Variants in PRKCB observed in about 807,000 individuals in gnomAD.
The protein encoded by PRKCB is protein kinase C beta.
In PRKCB, 13 loss-of-function variants were observed where a neutral mutation model predicts 81.5. The ratio of observed to expected loss-of-function variants is 0.16; its 90% CI spans 0.10 to 0.25. PRKCB has a LOEUF of 0.25. Ranked by LOEUF, PRKCB falls within the 10% of genes least tolerant of loss-of-function variation. The pLI is 1.00. For synonymous variants in PRKCB, 335 were observed against 321.4 expected (o/e 1.04, Z -0.45); for missense variants, 509 against 875.7 (o/e 0.58, Z 5.29).
At chr16:24,134,617 C>T (rs369675566) in intron 9 of PRKCB, among the ~76,000 whole-genome samples, 3 of 152,066 alleles carry the variant, frequency 2.0e-5, no homozygotes, top group South Asian at 4.1e-4. Flanking sequence ...GGCGTGGTGG[C>T]GCATGCCTGT....
chr16:23,837,361 T>A lies in PRKCB; in HGVS notation c.174-14T>A. On this transcript the variant is annotated splice_polypyrimidine_tract_variant and intron_variant, in intron 1 of 16. Coordinates refer to ENST00000643927, the MANE Select transcript of PRKCB (RefSeq NM_002738.7). ...CCCGGGCTGCCTGACATACACCTCC[T>A]TCTGCTTTTGCAGGGGCTTCGGGAA... 1 of 1,613,662 alleles carries A rather than the reference T, an allele frequency of 6.2e-7. No individual in the cohort carries two copies. The highest frequency in any genetic ancestry group is 8.5e-7 in the Non-Finnish European group (1 of 1,179,872).
chr16:23,869,812 A>T (rs544601078), intron 2 of PRKCB, among the ~76,000 whole-genome samples: 2 of 152,196 alleles, frequency 1.3e-5, no homozygotes, highest in Middle Eastern at 3.2e-3. Context: ...ACCTGGGGTC[A>T]GGAGTTTGAG....
intron 5 of PRKCB, among the ~76,000 whole-genome samples, chr16:24,043,564 A>G (rs1965727847): frequency 6.6e-6 from 1 of 152,076 alleles, no homozygotes; most frequent in East Asian, 1.9e-4. Context: ...TCCTTCCTTC[A>G]AAGCCTATCA....
chr16:24,162,869 AAG>A (rs1344733648), intron 10 of PRKCB, among the ~76,000 whole-genome samples: 1 of 152,186 alleles, frequency 6.6e-6, no homozygotes, highest in Non-Finnish European at 1.5e-5. Context: ...TAACCAAAAA[AAG>A]AGGATTTTAT....
chr16:24,108,990 C>T (rs1189478485), intron 7 of PRKCB, among the ~76,000 whole-genome samples: 2 of 144,250 alleles, frequency 1.4e-5, no homozygotes, highest in African/African-American at 5.4e-5. Context: ...GACTGACCCC[C>T]CCACCTCCCT....
rs189025561 is a variant in PRKCB, at chr16:24,182,059, G to A, written c.1533+1131G>A. On this transcript the variant is annotated intron_variant, in intron 13 of 16. Coordinates refer to ENST00000643927, the MANE Select transcript of PRKCB (RefSeq NM_002738.7). ...CTTTAAAAATAATAAGGCTTTACTCGGACCCAGTGAAGTTTTCCCTATGTG... is the reference window on the plus strand; with the variant it reads ...CTTTAAAAATAATAAGGCTTTACTCAGACCCAGTGAAGTTTTCCCTATGTG... Among the ~76,000 whole-genome samples the A allele has an allele frequency of 1.2e-4, 18 of 152,116 alleles. No individual in the cohort carries two copies. In the South Asian group the frequency reaches 3.1e-3, roughly 26 times the overall value.
chr16:23,851,892 T>C (rs1271158679), intron 2 of PRKCB, among the ~76,000 whole-genome samples: 3 of 152,194 alleles, frequency 2.0e-5, no homozygotes, highest in African/African-American at 7.2e-5. Context: ...AGTTTGTTAT[T>C]AGATAAGCTA....
At chr16:24,073,917 C>T (rs990264669) in intron 5 of PRKCB, among the ~76,000 whole-genome samples, 13 of 151,892 alleles carry the variant, frequency 8.6e-5, no homozygotes, top group Non-Finnish European at 1.3e-4. Context: ...CCGAGGCAGG[C>T]GGATCACGAG....
intron 15 of PRKCB, among the ~76,000 whole-genome samples, chr16:24,186,768 C>T (rs895459150): frequency 3.9e-5 from 6 of 152,372 alleles, no homozygotes; most frequent in South Asian, 4.1e-4. Flanking sequence ...AGCCTAAAAG[C>T]GCCTTGTCAC....
intron 13 of PRKCB, among the ~76,000 whole-genome samples, chr16:24,182,942 T>C (rs1265081903): frequency 1.4e-5 from 2 of 147,464 alleles, no homozygotes; most frequent in African/African-American, 5.1e-5. Context: ...CTGCAAGCTC[T>C]GCCTCCTGGA....
intron 10 of PRKCB, among the ~76,000 whole-genome samples, chr16:24,167,182 C>T (rs527919269): frequency 2.7e-5 from 4 of 150,480 alleles, no homozygotes; most frequent in South Asian, 4.2e-4. Context: ...GGCTGGGTGT[C>T]GGCAGTTCTG....
chr16:24,008,896 A>G (rs1965164084), intron 3 of PRKCB, among the ~76,000 whole-genome samples: 1 of 151,446 alleles, frequency 6.6e-6, no homozygotes, highest in Non-Finnish European at 1.5e-5. Context: ...TTTCACTCTG[A>G]TTTTCTATCA....
chr16:23,844,374 TC>T (rs1962325647), intron 2 of PRKCB, among the ~76,000 whole-genome samples: 1 of 152,180 alleles, frequency 6.6e-6, no homozygotes, highest in Non-Finnish European at 1.5e-5. Context: ...AGGAAATTTG[TC>T]TATTCACCAC....
At chr16:24,076,406 C>A (rs1361309818) in intron 5 of PRKCB, among the ~76,000 whole-genome samples, 1 of 152,182 alleles carries the variant, frequency 6.6e-6, no homozygotes, top group Non-Finnish European at 1.5e-5. Flanking sequence ...GGGGCCTTAT[C>A]TGCTTCTTCA....
At chr16:24,197,496 A>G (rs1967896967) in intron 16 of PRKCB, among the ~76,000 whole-genome samples, 1 of 151,836 alleles carries the variant, frequency 6.6e-6, no homozygotes, top group South Asian at 2.1e-4. Context: ...GTTGAGGGAG[A>G]AAGGAAAAGG....
At chr16:23,849,737 A>G (rs1405901936) in intron 2 of PRKCB, among the ~76,000 whole-genome samples, 2 of 152,196 alleles carry the variant, frequency 1.3e-5, no homozygotes, top group African/African-American at 2.4e-5. Context: ...ATCATAATTG[A>G]TGGGGTACAA....
In PRKCB at chr16:23,892,064, T is replaced by C. The variant is rs545732141; in HGVS notation, c.205+54658T>C. Reference sequence around the variant, plus strand: ...AATTGGGAGACGGCTGGATCCCACATCTCTGGGTGACATTTGCTGAAACAA... The same window carrying C: ...AATTGGGAGACGGCTGGATCCCACACCTCTGGGTGACATTTGCTGAAACAA... On this transcript the variant is annotated intron_variant, in intron 2 of 16. Coordinates refer to ENST00000643927, the MANE Select transcript of PRKCB (RefSeq NM_002738.7). Among the ~76,000 whole-genome samples the C allele has an allele frequency of 2.0e-5, 3 of 152,242 alleles. No individual in the cohort carries two copies. In the South Asian group the frequency reaches 6.2e-4, roughly 32 times the overall value.
intron 16 of PRKCB, among the ~76,000 whole-genome samples, chr16:24,198,045 C>T (rs566863490): frequency 1.7e-4 from 26 of 152,230 alleles, no homozygotes; most frequent in African/African-American, 5.1e-4. Context: ...GTAGTGATAT[C>T]GGAGGGTGCA....
chr16:24,068,301 G>T (rs941463413), intron 5 of PRKCB, among the ~76,000 whole-genome samples: 1 of 152,080 alleles, frequency 6.6e-6, no homozygotes, highest in African/African-American at 2.4e-5. Flanking sequence ...TCACTTCTCT[G>T]CTCTTCCCCT....
Sources: allele counts gnomAD v4.1 joint callset (sites outside exome capture counted in the v4.1 genomes callset), GRCh38; gene constraint gnomAD v4.1.1; transcripts MANE v1.5; gene names NCBI Gene and HGNC (gene_info 2026-07-23, HGNC 2026-07-21).